The following PTPRF variants were observed in gnomAD, a reference collection of about 807,000 sequenced individuals.
The protein encoded by PTPRF is protein tyrosine phosphatase receptor type F, also known as receptor-type tyrosine-protein phosphatase F.
Under a neutral mutation model 201.8 loss-of-function variants are expected in PTPRF, and 59 were observed. The ratio of observed to expected loss-of-function variants is 0.29; its 90% CI spans 0.24 to 0.36. The LOEUF is 0.36. Among genes scored for constraint, PTPRF ranks in the 10% least tolerant of loss-of-function variants. The probability of loss-of-function intolerance (pLI) is 1.00; values close to 1 mark genes in which losing one functional copy is unlikely to be tolerated. For missense variants in PTPRF, 2,132 were observed against 2,690.5 expected (o/e 0.79, Z 4.59); for synonymous variants, 1,088 against 1,089.7 (o/e 1.00, Z 0.03).
chr1:43,524,207 G>A (rs1643032482), upstream of PTPRF, among the ~76,000 whole-genome samples: 1 of 152,178 alleles, frequency 6.6e-6, no homozygotes, highest in Admixed American at 6.5e-5. Context: ...GACTTTAGAG[G>A]CTCAGAAGTG....
In PTPRF at chr1:43,591,280, G is replaced by A. The variant is rs375757987; in HGVS notation, c.1258G>A (p.Val420Met). 5 of 1,556,564 alleles carry A rather than the reference G, an allele frequency of 3.2e-6. No homozygotes were observed. The highest frequency in any genetic ancestry group is 4.3e-6 in the Non-Finnish European group (5 of 1,152,586). The change falls in exon 9 of 34, where the codon GTG becomes ATG. Residue 420 changes from valine to methionine, a missense_variant. Around this residue, in one of 6 missense-constraint regions of PTPRF, gnomAD observed 351 missense variants for 401.7 expected, o/e 0.87. Coordinates refer to ENST00000359947, the MANE Select transcript of PTPRF (RefSeq NM_002840.5). ...GGCGCCCTCCAGCCCACCGCGCCGCGTGCAGGCACGCATGCTGAGCGCCAG... is the reference window on the plus strand; with the variant it reads ...GGCGCCCTCCAGCCCACCGCGCCGCATGCAGGCACGCATGCTGAGCGCCAG... ...EQAPSSPPRR[V>M]QARMLSASTM...
At chr1:43,556,926 T>C (rs924417593) in intron 5 of PTPRF, among the ~76,000 whole-genome samples, 6 of 152,198 alleles carry the variant, frequency 3.9e-5, no homozygotes, top group African/African-American at 1.2e-4. Flanking sequence ...ACCTGTGCAA[T>C]AGGAACTCAG....
intron 21 of PTPRF, among the ~76,000 whole-genome samples, chr1:43,607,265 A>G (rs889710724): frequency 6.6e-6 from 1 of 152,216 alleles, no homozygotes; most frequent in African/African-American, 2.4e-5. Flanking sequence ...TGTGGATAAG[A>G]GTGCGTCTGT....
At chr1:43,593,613 C>T (rs1177611314) in intron 11 of PTPRF, among the ~76,000 whole-genome samples, 1 of 152,034 alleles carries the variant, frequency 6.6e-6, no homozygotes, top group Non-Finnish European at 1.5e-5. Flanking sequence ...TGAAGTGGTC[C>T]TTATGAAGTG....
chr1:43,611,883 G>C (rs1656543840), intron 22 of PTPRF, among the ~76,000 whole-genome samples: 2 of 152,174 alleles, frequency 1.3e-5, no homozygotes, highest in African/African-American at 4.8e-5. Flanking sequence ...TGGGTCTGAG[G>C]ACTTCTGAGC....
chr1:43,621,158 T>C lies in PTPRF; in HGVS notation c.5581T>C (p.Tyr1861His), dbSNP rs771936458. 4 of 1,613,994 alleles carry C rather than the reference T, an allele frequency of 2.5e-6. No individual in the cohort carries two copies. The African/African-American group carries it at 5.3e-5, about 22-fold the overall frequency. The change falls in exon 33 of 34, where the codon TAC (tyrosine) becomes CAC (histidine). Residue 1861 changes from tyrosine to histidine, a missense_variant. By Grantham distance (83) the Tyr-to-His change is moderately conservative. Transcript: ENST00000359947. ...GAGCATCGTCCTGGAGCGCATGCGC[T>C]ACGAGGGCGTGGTCGACATGTTTCA... The part of the protein sequence containing the change: ...TLSIVLERMR[Y>H]EGVVDMFQTV...
chr1:43,545,895 A>G (rs1237250845), intron 3 of PTPRF, among the ~76,000 whole-genome samples: 1 of 152,158 alleles, frequency 6.6e-6, no homozygotes, highest in African/African-American at 2.4e-5. Context: ...CCTGCCTGGC[A>G]CTATGAGACT....
intron 21 of PTPRF, 70 bp from the exon 22 acceptor site, chr1:43,609,313 C>G: frequency 7.7e-7 from 1 of 1,294,300 alleles, no homozygotes; most frequent in African/African-American, 1.5e-5. Flanking sequence ...CCTTGGCAGC[C>G]AGCCATGCCA....
intron 6 of PTPRF, among the ~76,000 whole-genome samples, chr1:43,570,900 G>A (rs928969730): frequency 2.0e-5 from 3 of 152,200 alleles, no homozygotes; most frequent in East Asian, 1.9e-4. Flanking sequence ...GTTTGTGGCC[G>A]CTGCCCAGCG....
At chr1:43,581,654 G>T (rs1345226515) in intron 7 of PTPRF, among the ~76,000 whole-genome samples, 1 of 152,226 alleles carries the variant, frequency 6.6e-6, no homozygotes, top group Admixed American at 6.5e-5. Flanking sequence ...CCTGGGGACA[G>T]CCTGTACTGG....
In PTPRF at chr1:43,546,025, C is replaced by T. The variant is rs1258030308; in HGVS notation, c.91+859C>T. On this transcript the variant is annotated intron_variant, in intron 3 of 33. Transcript: ENST00000359947. The surrounding 1 kb of genome is among the most constrained non-coding windows in gnomAD (Gnocchi z 4.2). ...GGAGGGGCGAGGTCGGAGCCAAGGT[C>T]CCTGGGGGAAGGGGCCGTTCCCAGC... 6.6e-6 allele frequency among the ~76,000 whole-genome samples: 1 copy of T among 152,068 alleles called. No homozygotes were observed. The highest frequency in any genetic ancestry group is 1.5e-5 in the Non-Finnish European group (1 of 67,998).
chr1:43,547,154 A>G (rs529270746), intron 3 of PTPRF, among the ~76,000 whole-genome samples: 13 of 152,086 alleles, frequency 8.5e-5, no homozygotes, highest in Admixed American at 1.3e-4. Flanking sequence ...TCAAGCTTCT[A>G]TCAACCTCAT....
At chr1:43,616,728 G>A (rs1435450417) in intron 23 of PTPRF, among the ~76,000 whole-genome samples, 2 of 152,148 alleles carry the variant, frequency 1.3e-5, no homozygotes, top group Non-Finnish European at 1.5e-5. Context: ...GACTGCGGTT[G>A]AAGGACCTCC....
Position 43,622,220 on chromosome 1 carries a change from T to A in PTPRF, c.*217T>A, listed in dbSNP as rs1659374758. 2 of 572,796 alleles carry A rather than the reference T, an allele frequency of 3.5e-6. No individual in the cohort carries two copies. The highest frequency in any genetic ancestry group is 6.2e-6 in the Non-Finnish European group (2 of 322,772). 35.5% of individuals were successfully genotyped at this position (572,796 alleles called of 1,614,324 possible). ...TGGATGGCCCAGCAGGCAGGCACTG[T>A]GGCCCTTCTGTCCACCAGACCCACC... On this transcript the variant is annotated 3_prime_UTR_variant, in exon 34 of 34. Transcript: ENST00000359947.
chr1:43,575,936 G>GCTGTCCGT (rs1431715785), intron 6 of PTPRF: 11 of 1,364,636 alleles, frequency 8.1e-6, no homozygotes, highest in African/African-American at 1.5e-5. Flanking sequence ...AGGTAAGAAT[G>GCTGTCCGT]CTGTCCGTGC....
chr1:43,531,196 G>C (rs1643441404), intron 1 of PTPRF, 106 bp downstream of exon 1: 6 of 150,770 alleles, frequency 4.0e-5, no homozygotes, highest in Middle Eastern at 3.4e-3. Context: ...GCGGTCCCGG[G>C]GGGGACGAGG....
chr1:43,557,965 C>T (rs1645510113), intron 5 of PTPRF, among the ~76,000 whole-genome samples: 1 of 152,196 alleles, frequency 6.6e-6, no homozygotes. Flanking sequence ...GAACACCCGC[C>T]CCCTGCCCCG....
At chr1:43,574,278 G>T (rs1230256571) in intron 6 of PTPRF, among the ~76,000 whole-genome samples, 1 of 152,016 alleles carries the variant, frequency 6.6e-6, no homozygotes, top group Non-Finnish European at 1.5e-5. Flanking sequence ...TTACAGGGGT[G>T]AGCCACCGTG....
chr1:43,534,986 G>C (rs1230824640), intron 1 of PTPRF, among the ~76,000 whole-genome samples: 1 of 152,216 alleles, frequency 6.6e-6, no homozygotes, highest in Non-Finnish European at 1.5e-5. Context: ...GTAGCACAGG[G>C]CTTGGCATCT....
Sources: gnomAD v4.1 joint callset for allele counts (sites outside exome capture counted in the v4.1 genomes callset) on GRCh38, gnomAD v4.1.1 for gene constraint, gnomAD v4.1.1 regional missense constraint, Gnocchi (gnomAD v3.1) non-coding constraint, MANE v1.5 for transcripts, NCBI Gene and HGNC (gene_info 2026-07-23, HGNC 2026-07-21) for gene names.